XYLT1: variants seen among roughly 807,000 people sequenced by gnomAD.
XYLT1 encodes xylosyltransferase 1.
XYLT1 carries 36 observed loss-of-function variants against 91.3 expected under a neutral mutation model. That is an observed-to-expected ratio of 0.39 (90% CI 0.30 to 0.52). The LOEUF is 0.52. Ranked by LOEUF, XYLT1 falls within the 20% of genes least tolerant of loss-of-function variation. The pLI, the probability that XYLT1 is intolerant of heterozygous loss-of-function variation, is 0.68. For missense variants in XYLT1, 1,242 were observed against 1,284.5 expected (o/e 0.97, Z 0.51); for synonymous variants, 588 against 532.0 (o/e 1.11, Z -1.45).
intron 5 of XYLT1, among the ~76,000 whole-genome samples, chr16:17,172,466 CTTTTTTTTTT>C (rs1157952692): frequency 9.7e-6 from 1 of 102,630 alleles, no homozygotes; most frequent in Non-Finnish European, 1.8e-5. Context: ...GCGTTCATTT[CTTTTTTTTTT>C]TTTTTTTTTT....
intron 3 of XYLT1, among the ~76,000 whole-genome samples, chr16:17,220,769 G>A (rs1055631155): frequency 6.6e-6 from 1 of 152,148 alleles, no homozygotes; most frequent in Admixed American, 6.6e-5. Flanking sequence ...CACCACGTTC[G>A]GCCTGTGTTA....
intron 1 of XYLT1, chr16:17,446,481 A>G (rs2036593002): frequency 1.3e-5 from 2 of 152,152 alleles, no homozygotes; most frequent in Admixed American, 6.5e-5. Flanking sequence ...GAAGGAGTGA[A>G]TCCAGGATTC....
chr16:17,169,262 A>G (rs2031769520), intron 5 of XYLT1, among the ~76,000 whole-genome samples: 1 of 152,232 alleles, frequency 6.6e-6, no homozygotes, highest in African/African-American at 2.4e-5. Flanking sequence ...CCAGGGGGAC[A>G]GTACCTCCTT....
At chr16:17,143,409 G>T (rs915323911) in intron 6 of XYLT1, among the ~76,000 whole-genome samples, 1 of 152,150 alleles carries the variant, frequency 6.6e-6, no homozygotes, top group Non-Finnish European at 1.5e-5. Context: ...TAGTTATCTA[G>T]ATGGGAGCTT....
At chr16:17,321,011 T>C (rs968496645) in intron 2 of XYLT1, among the ~76,000 whole-genome samples, 3 of 152,076 alleles carry the variant, frequency 2.0e-5, no homozygotes, top group South Asian at 4.1e-4. Context: ...CATGCAGGTT[T>C]CCCTGAGTAC....
At chr16:17,247,835 A>G (rs904734628) in intron 3 of XYLT1, among the ~76,000 whole-genome samples, 1 of 141,606 alleles carries the variant, frequency 7.1e-6, no homozygotes, top group Non-Finnish European at 1.6e-5. Flanking sequence ...GCACTGTAAG[A>G]GGAGGAAAGA....
intron 1 of XYLT1, among the ~76,000 whole-genome samples, chr16:17,390,196 G>A (rs1183562278): frequency 1.3e-5 from 2 of 152,056 alleles, no homozygotes; most frequent in African/African-American, 2.4e-5. Context: ...GCGAGTACAA[G>A]GAATATAGGG....
intron 2 of XYLT1, among the ~76,000 whole-genome samples, chr16:17,294,036 G>C (rs1184139232): frequency 1.3e-5 from 2 of 152,142 alleles, no homozygotes; most frequent in Non-Finnish European, 2.9e-5. Flanking sequence ...GGGCCTCACT[G>C]TCCTCACCTG....
chr16:17,238,632 A>C (rs2033287017), intron 3 of XYLT1, among the ~76,000 whole-genome samples: 1 of 152,242 alleles, frequency 6.6e-6, no homozygotes, highest in Non-Finnish European at 1.5e-5. Context: ...CATGGCCTAC[A>C]AGGTCCTGCA....
intron 1 of XYLT1, among the ~76,000 whole-genome samples, chr16:17,394,345 C>T (rs2035858142): frequency 6.6e-6 from 1 of 152,204 alleles, no homozygotes; most frequent in South Asian, 2.1e-4. Flanking sequence ...CAGATTTCTA[C>T]TCTGCCTTCA....
At chr16:17,282,342 C>T (rs1374912389) in intron 2 of XYLT1, among the ~76,000 whole-genome samples, 2 of 152,180 alleles carry the variant, frequency 1.3e-5, no homozygotes, top group Non-Finnish European at 2.9e-5. Flanking sequence ...GGCGGGGGTG[C>T]TGACAGCTGT....
At chr16:17,277,642 G>A (rs1398838447) in intron 2 of XYLT1, among the ~76,000 whole-genome samples, 6 of 151,948 alleles carry the variant, frequency 3.9e-5, no homozygotes, top group Non-Finnish European at 8.8e-5. Context: ...CACCTGCCTC[G>A]GCCTCCCAAA....
intron 1 of XYLT1, among the ~76,000 whole-genome samples, chr16:17,435,267 A>G (rs956896460): frequency 6.6e-6 from 1 of 152,168 alleles, no homozygotes; most frequent in African/African-American, 2.4e-5. Context: ...GACTTTTCAC[A>G]TAAATAGACT....
chr16:17,235,699 T>C (rs189579704), intron 3 of XYLT1, among the ~76,000 whole-genome samples: 14 of 152,290 alleles, frequency 9.2e-5, no homozygotes, highest in Non-Finnish European at 1.6e-4. Context: ...CTTTCTGGCT[T>C]AAAAAACGTT....
intron 2 of XYLT1, among the ~76,000 whole-genome samples, chr16:17,349,067 G>A (rs954078715): frequency 5.3e-5 from 8 of 152,212 alleles, no homozygotes; most frequent in Admixed American, 2.0e-4. Context: ...GAGAAGATGC[G>A]TGTGCTGGAA....
intron 5 of XYLT1, among the ~76,000 whole-genome samples, chr16:17,168,890 G>A (rs1276240909): frequency 1.3e-5 from 2 of 152,104 alleles, no homozygotes; most frequent in Admixed American, 1.3e-4. Context: ...ATCATCTGAA[G>A]GACAATGTCC....
chr16:17,207,756 T>A (rs1255635916), intron 3 of XYLT1, among the ~76,000 whole-genome samples: 1 of 152,058 alleles, frequency 6.6e-6, no homozygotes, highest in East Asian at 1.9e-4. Flanking sequence ...CTGCTGCTCA[T>A]GCGGGGCCAC....
chr16:17,346,387 C>T (rs536375375), intron 2 of XYLT1, among the ~76,000 whole-genome samples: 49 of 152,192 alleles, frequency 3.2e-4, no homozygotes, highest in Middle Eastern at 3.4e-3. Flanking sequence ...GGTGAATGAA[C>T]GCAGCAGGCC....
intron 1 of XYLT1, among the ~76,000 whole-genome samples, chr16:17,447,755 C>T (rs964821480): frequency 1.6e-5 from 2 of 127,822 alleles, no homozygotes; most frequent in African/African-American, 8.2e-5. Context: ...GAACAAGCGA[C>T]CTTCCACGAA....
Sources: gnomAD v4.1 joint callset for allele counts (sites outside exome capture counted in the v4.1 genomes callset) on GRCh38, gnomAD v4.1.1 for gene constraint, MANE v1.5 for transcripts, NCBI Gene and HGNC (gene_info 2026-07-23, HGNC 2026-07-21) for gene names.